PTPN1: variants seen among roughly 807,000 people sequenced by gnomAD.
The protein encoded by PTPN1 is protein tyrosine phosphatase non-receptor type 1.
In PTPN1, 12 loss-of-function variants were observed where a neutral mutation model predicts 59.9. The ratio of observed to expected loss-of-function variants is 0.20; its 90% CI spans 0.13 to 0.32. PTPN1 has a LOEUF of 0.32. Among genes scored for constraint, PTPN1 ranks in the 10% least tolerant of loss-of-function variants. The pLI is 1.00. For missense variants in PTPN1, 356 were observed against 549.2 expected (o/e 0.65, Z 3.52); for synonymous variants, 178 against 203.6 (o/e 0.87, Z 1.07).
At chr20:50,521,663 A>G (rs1359851240) in intron 1 of PTPN1, among the ~76,000 whole-genome samples, 2 of 152,230 alleles carry the variant, frequency 1.3e-5, no homozygotes, top group Non-Finnish European at 2.9e-5. Flanking sequence ...AGATGTCACA[A>G]ATTGGCCACC....
chr20:50,512,658 A>G (rs61654746), intron 1 of PTPN1, among the ~76,000 whole-genome samples: 1,654 of 152,230 alleles, frequency 0.011, 23 homozygotes, highest in African/African-American at 0.037. Flanking sequence ...CCTCCACTGT[A>G]TGGATATTTT....
intron 1 of PTPN1, among the ~76,000 whole-genome samples, chr20:50,549,578 A>T (rs2082693074): frequency 6.6e-6 from 1 of 152,148 alleles, no homozygotes; most frequent in Non-Finnish European, 1.5e-5. Flanking sequence ...AATGCTGACC[A>T]GTTTTGCCCC....
chr20:50,546,111 G>A (rs185814063), intron 1 of PTPN1, among the ~76,000 whole-genome samples: 1 of 152,260 alleles, frequency 6.6e-6, no homozygotes, highest in Admixed American at 6.5e-5. Flanking sequence ...TGGCAGCAGG[G>A]ATGGTAGCGT....
intron 1 of PTPN1, among the ~76,000 whole-genome samples, chr20:50,545,862 C>CA (rs1327316510): frequency 4.0e-5 from 6 of 148,346 alleles, no homozygotes; most frequent in South Asian, 2.2e-4. Context: ...CCCGTCTCTA[C>CA]AAAAAAATAG....
At chr20:50,525,336 C>T (rs1401778482) in intron 1 of PTPN1, among the ~76,000 whole-genome samples, 2 of 152,260 alleles carry the variant, frequency 1.3e-5, no homozygotes, top group Admixed American at 6.5e-5. Context: ...GCTGGGATTA[C>T]AGGCGTGAGC....
chr20:50,528,710 T>C (rs1272678279), intron 1 of PTPN1, among the ~76,000 whole-genome samples: 3 of 128,960 alleles, frequency 2.3e-5, no homozygotes, highest in Non-Finnish European at 4.8e-5. Flanking sequence ...TGAGACTCCA[T>C]CTTAAAAAAA....
intron 3 of PTPN1, among the ~76,000 whole-genome samples, chr20:50,566,386 T>C (rs192889025): frequency 4.6e-5 from 7 of 152,164 alleles, no homozygotes; most frequent in Admixed American, 4.6e-4. Context: ...CATGTATCCT[T>C]GTGCTACTGT....
At chr20:50,564,923 T>C (rs1486608789) in intron 2 of PTPN1, 46 bp from the exon 3 acceptor site, 1 of 1,610,944 alleles carries the variant, frequency 6.2e-7, no homozygotes, top group South Asian at 1.1e-5. Flanking sequence ...TATGTACACA[T>C]TCAGCTTTTC....
In PTPN1 at chr20:50,579,881, A is replaced by G; in HGVS notation, c.1043A>G (p.Glu348Gly). 6.2e-7 allele frequency: 1 copy of G among 1,614,180 alleles called. No homozygotes were observed. The highest frequency in any genetic ancestry group is 1.3e-5 in the African/African-American group (1 of 75,064). The change falls in exon 8 of 10, where the codon GAA becomes GGA. Residue 348 changes from glutamate (E) to glycine (G), a missense_variant. Coordinates refer to ENST00000371621, the MANE Select transcript of PTPN1 (RefSeq NM_002827.4). ...GAGGATAAAGACTGCCCCATCAAGG[A>G]AGAAAAAGGAAGCCCCTTAAATGCC... ...TQEDKDCPIK[E>G]EKGSPLNAAP...
chr20:50,576,152 G>A (rs1364626140), intron 5 of PTPN1, among the ~76,000 whole-genome samples: 1 of 152,180 alleles, frequency 6.6e-6, no homozygotes, highest in Admixed American at 6.5e-5. Context: ...GTGCTTTCTG[G>A]AAGATTCTCA....
At chr20:50,519,335 A>C (rs951265714) in intron 1 of PTPN1, among the ~76,000 whole-genome samples, 7 of 152,240 alleles carry the variant, frequency 4.6e-5, no homozygotes, top group Non-Finnish European at 8.8e-5. Flanking sequence ...AAGTAGATGT[A>C]GTTTAACAAA....
chr20:50,547,962 AAATT>A (rs2082683086), intron 1 of PTPN1, among the ~76,000 whole-genome samples: 2 of 152,352 alleles, frequency 1.3e-5, no homozygotes, highest in East Asian at 3.9e-4. Context: ...AGTTTTAAAA[AAATT>A]AAGTAAATGA....
chr20:50,581,821 A>G (rs1209305647), intron 9 of PTPN1, among the ~76,000 whole-genome samples: 1 of 152,080 alleles, frequency 6.6e-6, no homozygotes, highest in Non-Finnish European at 1.5e-5. Context: ...TAACCTTTAT[A>G]AAAAGCAGCT....
intron 1 of PTPN1, among the ~76,000 whole-genome samples, chr20:50,512,529 C>G (rs928026282): frequency 6.6e-6 from 1 of 152,178 alleles, no homozygotes. Context: ...TTTTCTGCCA[C>G]AATTAAACCC....
chr20:50,555,860 G>T (rs142817883), intron 1 of PTPN1, among the ~76,000 whole-genome samples: 1 of 151,822 alleles, frequency 6.6e-6, no homozygotes, highest in African/African-American at 2.4e-5. Context: ...GTAAATATTC[G>T]TTAGCTGAGT....
At chr20:50,530,250 G>A (rs1392350747) in intron 1 of PTPN1, among the ~76,000 whole-genome samples, 2 of 149,830 alleles carry the variant, frequency 1.3e-5, no homozygotes, top group East Asian at 3.9e-4. Flanking sequence ...TAGAATAAAA[G>A]CACTTAATTT....
At chr20:50,519,395 AT>A (rs1446501496) in intron 1 of PTPN1, among the ~76,000 whole-genome samples, 3 of 152,172 alleles carry the variant, frequency 2.0e-5, no homozygotes, top group African/African-American at 7.2e-5. Flanking sequence ...ACTAAACCTC[AT>A]TTTGCAACTT....
intron 1 of PTPN1, among the ~76,000 whole-genome samples, chr20:50,559,030 A>ATT (rs35277786): frequency 0.13 from 15,682 of 119,334 alleles, 1,589 homozygotes; most frequent in African/African-American, 0.24. Flanking sequence ...ACGTCAGGGA[A>ATT]TTTTTTTTTT....
intron 5 of PTPN1, 166 bp downstream of exon 5, chr20:50,574,820 C>A: frequency 1.2e-6 from 1 of 804,880 alleles, no homozygotes; most frequent in Non-Finnish European, 1.9e-6. Flanking sequence ...GTGTACCTAC[C>A]AAGTGCCCAG....
Sources: allele counts gnomAD v4.1 joint callset (sites outside exome capture counted in the v4.1 genomes callset), GRCh38; gene constraint gnomAD v4.1.1; transcripts MANE v1.5; gene names NCBI Gene and HGNC (gene_info 2026-07-23, HGNC 2026-07-21).